Variants in TNFRSF10C observed in about 807,000 individuals in gnomAD.
The protein encoded by TNFRSF10C is TNF receptor superfamily member 10c, also known as tumor necrosis factor receptor superfamily member 10C.
In TNFRSF10C, 17 loss-of-function variants were observed where a neutral mutation model predicts 16.7. The ratio of observed to expected loss-of-function variants is 1.02; its 90% CI spans 0.70 to 1.53. The LOEUF (loss-of-function observed/expected upper bound fraction) is 1.53. Among genes scored for constraint, TNFRSF10C ranks in the 40% most tolerant of loss-of-function variants. The pLI, the probability that TNFRSF10C is intolerant of heterozygous loss-of-function variation, is 0.00. For synonymous variants in TNFRSF10C, 73 were observed against 119.7 expected, an observed-to-expected ratio of 0.61 and a Z score of 2.55; for missense variants, 237 against 329.7, an observed-to-expected ratio of 0.72 and a Z score of 2.18.
intron 1 of TNFRSF10C, among the ~76,000 whole-genome samples, chr8:23,109,194 T>C (rs886293492): frequency 1.3e-5 from 2 of 152,154 alleles, no homozygotes; most frequent in Non-Finnish European, 2.9e-5. Context: ...GATAAAAATA[T>C]TCTAAAATTG....
intron 1 of TNFRSF10C, chr8:23,103,401 GC>G: frequency 1.3e-6 from 1 of 764,318 alleles, no homozygotes; most frequent in East Asian, 2.7e-5. Flanking sequence ...CCCCCTGGCT[GC>G]CCCGAGCCCG....
At position 23,117,217 on chromosome 8, in the gene TNFRSF10C, TC is replaced by T; in HGVS notation, c.*189del. ...GGCTCTATCTTCCTCCTTGTGATCGTCCCATCCCCACATCCCGTGCACCCCC... is the reference window on the plus strand; with the variant it reads ...GGCTCTATCTTCCTCCTTGTGATCGTCCATCCCCACATCCCGTGCACCCCC... On this transcript the variant is annotated 3_prime_UTR_variant, in exon 5 of 5. Coordinates refer to ENST00000356864, the MANE Select transcript of TNFRSF10C (RefSeq NM_003841.5). 1.1e-6 allele frequency: 1 copy of T among 903,840 alleles called. No individual in the cohort carries two copies. Among genetic ancestry groups the T allele is most frequent in the Non-Finnish European group, 1.6e-6 (1 of 609,390 alleles). 56.0% of individuals were successfully genotyped at this position (903,840 alleles called of 1,614,324 possible). A position where few individuals can be genotyped will look rare whatever the true frequency, so the allele number is the denominator to read the frequency against.
At chr8:23,106,639 T>G (rs1189604915) in intron 1 of TNFRSF10C, among the ~76,000 whole-genome samples, 2 of 152,116 alleles carry the variant, frequency 1.3e-5, no homozygotes, top group African/African-American at 4.8e-5. Context: ...GTGGATCCAT[T>G]CTAACATGGT....
chr8:23,114,553 T>C (rs1813939538), intron 2 of TNFRSF10C, 104 bp from the exon 3 acceptor site: 5 of 867,792 alleles, frequency 5.8e-6, no homozygotes, highest in Non-Finnish European at 9.4e-6. Flanking sequence ...AGTGGATTTC[T>C]CTGTCTCAAT....
chr8:23,106,643 A>G (rs1042531448), intron 1 of TNFRSF10C, among the ~76,000 whole-genome samples: 7 of 152,188 alleles, frequency 4.6e-5, no homozygotes, highest in African/African-American at 1.7e-4. Flanking sequence ...ATCCATTCTA[A>G]CATGGTCTGC....
Position 23,117,154 on chromosome 8 carries a change from A to G in TNFRSF10C, c.*123A>G. On this transcript the variant is annotated 3_prime_UTR_variant, in exon 5 of 5. Coordinates refer to ENST00000356864, the MANE Select transcript of TNFRSF10C (RefSeq NM_003841.5). Reference sequence around the variant, plus strand: ...CTCTGCTGTGTTCCCACAGACAGAAACGCCTGCCCCTGCCCCAAGTCCTGG... The same window carrying G: ...CTCTGCTGTGTTCCCACAGACAGAAGCGCCTGCCCCTGCCCCAAGTCCTGG... 2.1e-6 allele frequency: 3 copies of G among 1,429,490 alleles called. No homozygotes were observed. Among genetic ancestry groups the G allele is most frequent in the Non-Finnish European group, 2.8e-6 (3 of 1,064,528 alleles). The allele number at this position is 1,429,490 out of a possible 1,614,324, so 88.6% of individuals were successfully genotyped here. A position where few individuals can be genotyped will look rare whatever the true frequency, so the allele number is the denominator to read the frequency against.
At chr8:23,114,294 C>T (rs758932614) in intron 2 of TNFRSF10C, among the ~76,000 whole-genome samples, 2 of 151,620 alleles carry the variant, frequency 1.3e-5, no homozygotes, top group Admixed American at 6.6e-5. Flanking sequence ...TTGTGAGTGA[C>T]GGCGTAAAAA....
At chr8:23,115,720 C>T (rs1813969148) in intron 4 of TNFRSF10C, 104 bp downstream of exon 4, 1 of 864,650 alleles carries the variant, frequency 1.2e-6, no homozygotes, top group Non-Finnish European at 1.8e-6. Context: ...CCTCCAGACC[C>T]ATGGGGTGTC....
Position 23,111,729 on chromosome 8 carries a change from T to C in TNFRSF10C, c.70T>C (p.Tyr24His). 1.2e-6 allele frequency: 2 copies of C among 1,613,660 alleles called. No homozygotes were observed. Among genetic ancestry groups the C allele is most frequent in the Non-Finnish European group, 1.7e-6 (2 of 1,179,990 alleles). Reference protein sequence around the residue: ...IVAVLLPVLAYSATTARQEEV... With the variant: ...IVAVLLPVLAHSATTARQEEV... ...TCCTTTGTCCCCACAGGTCCTAGCT[T>C]ACTCTGCCACCACTGCCCGGCAGGA... Residue 24 changes from tyrosine to histidine, a missense_variant, in exon 2 of 5, where the codon TAC (tyrosine) becomes CAC (histidine). Tyr to His is a moderately conservative substitution (Grantham distance 83, BLOSUM62 2). Around this residue, in one of 2 missense-constraint regions of TNFRSF10C, gnomAD observed 212 missense variants for 196.8 expected, o/e 1.08. Coordinates refer to ENST00000356864, the MANE Select transcript of TNFRSF10C (RefSeq NM_003841.5).
intron 1 of TNFRSF10C, 57 bp from the exon 2 acceptor site, chr8:23,111,663 C>A: frequency 7.3e-7 from 1 of 1,363,814 alleles, no homozygotes; most frequent in Non-Finnish European, 1.0e-6. Flanking sequence ...TGAGATGGAG[C>A]CTGGGAGGGG....
chr8:23,104,286 T>A (rs1813730377), intron 1 of TNFRSF10C, among the ~76,000 whole-genome samples: 2 of 152,260 alleles, frequency 1.3e-5, no homozygotes, highest in African/African-American at 4.8e-5. Context: ...TGCATTTAAA[T>A]GTACAATCAC....
chr8:23,109,509 C>T (rs1442616913), intron 1 of TNFRSF10C, among the ~76,000 whole-genome samples: 1 of 151,732 alleles, frequency 6.6e-6, no homozygotes, highest in Non-Finnish European at 1.5e-5. Context: ...TGGTGGCGGG[C>T]ACCTGTAGTC....
chr8:23,104,350 A>G (rs2128829535), intron 1 of TNFRSF10C, among the ~76,000 whole-genome samples: 1 of 152,376 alleles, frequency 6.6e-6, no homozygotes, highest in African/African-American at 2.4e-5. Context: ...ATGGCAGTAC[A>G]TTCAGATTGA....
In TNFRSF10C at chr8:23,117,400, G is replaced by A; in HGVS notation, c.*369G>A. 1 of 352,376 alleles carries A rather than the reference G, an allele frequency of 2.8e-6. No homozygotes were observed. The highest frequency in any genetic ancestry group is 4.1e-5 in the South Asian group (1 of 24,528). 21.8% of individuals were successfully genotyped at this position (352,376 alleles called of 1,614,324 possible). On this transcript the variant is annotated 3_prime_UTR_variant, in exon 5 of 5. Transcript: ENST00000356864. ...TGGGTGACAAGGGTGAGGATGAGAAGTGGTCACGGGATTTATTCAGCCTTG... is the reference window on the plus strand; with the variant it reads ...TGGGTGACAAGGGTGAGGATGAGAAATGGTCACGGGATTTATTCAGCCTTG...
intron 2 of TNFRSF10C, among the ~76,000 whole-genome samples, chr8:23,112,062 G>A (rs1813889007): frequency 6.6e-6 from 1 of 151,454 alleles, no homozygotes; most frequent in African/African-American, 2.4e-5. Context: ...TTTTATCTGT[G>A]GGTTCTGTAG....
At position 23,103,197 on chromosome 8, in the gene TNFRSF10C, G is replaced by T. The variant is rs374416537; in HGVS notation, c.60+16G>T. 2 of 1,605,782 alleles carry T rather than the reference G, an allele frequency of 1.2e-6. No individual in the cohort carries two copies. The highest frequency in any genetic ancestry group is 1.7e-6 in the Non-Finnish European group (2 of 1,176,788). On this transcript the variant is annotated intron_variant, in intron 1 of 4. Coordinates refer to ENST00000356864, the MANE Select transcript of TNFRSF10C (RefSeq NM_003841.5). Reference sequence around the variant, plus strand: ...CCTGCTGCCAGTGAGTCCCGGCCGCGGTCCCTGGCTGGGGAAGAGCGCACC... The same window carrying T: ...CCTGCTGCCAGTGAGTCCCGGCCGCTGTCCCTGGCTGGGGAAGAGCGCACC...
At chr8:23,115,683 C>T (rs1813967928) in intron 4 of TNFRSF10C, 67 bp downstream of exon 4, 13 of 1,302,522 alleles carry the variant, frequency 1.0e-5, no homozygotes, top group South Asian at 2.5e-5. Context: ...CACCTGGTAC[C>T]CCTATTTCTC....
Position 23,117,174 on chromosome 8 carries a change from T to A in TNFRSF10C, c.*143T>A. 1 of 1,247,652 alleles carries A rather than the reference T, an allele frequency of 8.0e-7. No individual in the cohort carries two copies. Among genetic ancestry groups the A allele is most frequent in the Non-Finnish European group, 1.1e-6 (1 of 905,190 alleles). The allele number at this position is 1,247,652 out of a possible 1,614,324, so 77.3% of individuals were successfully genotyped here. A position where few individuals can be genotyped will look rare whatever the true frequency, so the allele number is the denominator to read the frequency against. On this transcript the variant is annotated 3_prime_UTR_variant, in exon 5 of 5. Transcript: ENST00000356864. ...CAGAAACGCCTGCCCCTGCCCCAAG[T>A]CCTGGTGTCTCCAGCCTGGCTCTAT...
intron 1 of TNFRSF10C, among the ~76,000 whole-genome samples, chr8:23,104,757 C>T (rs1479967543): frequency 1.3e-5 from 2 of 152,144 alleles, no homozygotes; most frequent in African/African-American, 4.8e-5. Context: ...CATCACATTG[C>T]TATGTATTTT....
Sources: allele counts gnomAD v4.1 joint callset (sites outside exome capture counted in the v4.1 genomes callset), GRCh38; gene constraint gnomAD v4.1.1; regional missense constraint gnomAD v4.1.1; transcripts MANE v1.5; gene names NCBI Gene and HGNC (gene_info 2026-07-23, HGNC 2026-07-21).